The following PIBF1 variants were observed in gnomAD, a reference collection of about 807,000 sequenced individuals.
PIBF1 encodes progesterone-induced-blocking factor 1.
In PIBF1, 90 loss-of-function variants were observed where a neutral mutation model predicts 112.5. The observed-to-expected ratio is 0.80, with a 90% confidence interval of 0.67 to 0.95. The LOEUF (loss-of-function observed/expected upper bound fraction) is 0.95. PIBF1 is among the 40% of genes least tolerant of loss of function. The pLI, the probability that PIBF1 is intolerant of heterozygous loss-of-function variation, is 0.00. For missense variants in PIBF1, 915 were observed against 852.3 expected, an observed-to-expected ratio of 1.07 and a Z score of -0.92; for synonymous variants, 301 against 288.6, an observed-to-expected ratio of 1.04 and a Z score of -0.44.
rs947464436 is a variant in PIBF1, at chr13:72,998,711, T to C, written c.2050-111T>C. 7.9e-5 allele frequency: 53 copies of C among 669,132 alleles called. 2 individuals carry two copies. The Admixed American group carries it at 1.2e-3, about 15-fold the overall frequency. The allele number at this position is 669,132 out of a possible 1,614,324, so 41.4% of individuals were successfully genotyped here. A position where few individuals can be genotyped will look rare whatever the true frequency, so the allele number is the denominator to read the frequency against. Reference sequence around the variant, plus strand: ...ATTACTATTTTATTTTCACAACTTATGTGTGTAGTATAATTGTTTCTTCTA... The same window carrying C: ...ATTACTATTTTATTTTCACAACTTACGTGTGTAGTATAATTGTTTCTTCTA... On this transcript the variant is annotated intron_variant, in intron 16 of 17. Coordinates refer to ENST00000326291, the MANE Select transcript of PIBF1 (RefSeq NM_006346.4).
At chr13:72,943,067 T>G (rs934222151) in intron 14 of PIBF1, among the ~76,000 whole-genome samples, 5 of 152,172 alleles carry the variant, frequency 3.3e-5, no homozygotes, top group African/African-American at 1.2e-4. Flanking sequence ...ATACAAGGCT[T>G]AAAAAATAAC....
intron 17 of PIBF1, among the ~76,000 whole-genome samples, chr13:73,002,297 ATGAAAGC>A (rs2043895997): frequency 1.3e-5 from 2 of 152,216 alleles, no homozygotes; most frequent in Non-Finnish European, 2.9e-5. Flanking sequence ...TACAGGGAGA[ATGAAAGC>A]TTCACCTCCC....
intron 6 of PIBF1, 41 bp from the exon 7 acceptor site, chr13:72,826,969 G>A (rs766402833): frequency 8.4e-7 from 1 of 1,193,942 alleles, no homozygotes; most frequent in South Asian, 1.4e-5. Flanking sequence ...TGTACAAGGG[G>A]ATGTAAAATT....
chr13:72,902,102 G>A (rs2040514831), intron 11 of PIBF1, among the ~76,000 whole-genome samples: 1 of 150,370 alleles, frequency 6.7e-6, no homozygotes. Flanking sequence ...AAATGAGATT[G>A]GAGACTATTA....
intron 13 of PIBF1, among the ~76,000 whole-genome samples, chr13:72,917,579 A>C (rs895445484): frequency 6.6e-6 from 1 of 152,076 alleles, no homozygotes; most frequent in Non-Finnish European, 1.5e-5. Context: ...CATATATTGT[A>C]ATTGAAACTA....
At chr13:72,933,185 A>T (rs940621528) in intron 14 of PIBF1, among the ~76,000 whole-genome samples, 15 of 152,374 alleles carry the variant, frequency 9.8e-5, no homozygotes, top group African/African-American at 3.6e-4. Context: ...AATATTTTTT[A>T]AAAGTAAAAT....
At chr13:72,897,856 G>C (rs2040340194) in intron 11 of PIBF1, among the ~76,000 whole-genome samples, 1 of 152,064 alleles carries the variant, frequency 6.6e-6, no homozygotes, top group Non-Finnish European at 1.5e-5. Flanking sequence ...TAATAGTGGG[G>C]GACTTCAGTA....
At chr13:72,914,010 TTAAC>T (rs746719805) in intron 12 of PIBF1, among the ~76,000 whole-genome samples, 10 of 152,336 alleles carry the variant, frequency 6.6e-5, no homozygotes, top group South Asian at 4.1e-4. Flanking sequence ...TACTTATCGA[TTAAC>T]TAAAATTTCA....
chr13:72,904,433 C>CTT (rs71099767), intron 11 of PIBF1, among the ~76,000 whole-genome samples: 482 of 36,538 alleles, frequency 0.013, 113 homozygotes, highest in South Asian at 0.028. Flanking sequence ...CAAAATATTT[C>CTT]TTTTTTTTTT....
At chr13:72,918,363 T>G (rs557089861) in intron 13 of PIBF1, among the ~76,000 whole-genome samples, 5 of 151,496 alleles carry the variant, frequency 3.3e-5, no homozygotes, top group African/African-American at 9.7e-5. Flanking sequence ...TGGAAAGTTC[T>G]TCGAGGTCAG....
intron 16 of PIBF1, among the ~76,000 whole-genome samples, chr13:72,983,833 A>G (rs2043211549): frequency 6.6e-6 from 1 of 152,118 alleles, no homozygotes; most frequent in Non-Finnish European, 1.5e-5. Flanking sequence ...GCACCTATGT[A>G]GTTAAATTTT....
chr13:73,009,779 C>T (rs1359176421), intron 17 of PIBF1, among the ~76,000 whole-genome samples: 2 of 152,140 alleles, frequency 1.3e-5, no homozygotes, highest in East Asian at 3.9e-4. Flanking sequence ...ATCCCCAAGA[C>T]AAGGTACACT....
chr13:72,844,728 T>TACACACACACACACACACACACAC (rs1156334355), intron 9 of PIBF1, among the ~76,000 whole-genome samples: 1 of 53,164 alleles, frequency 1.9e-5, no homozygotes, highest in East Asian at 8.0e-4. Flanking sequence ...TAATTTTATT[T>TACACACACACACACACACACACAC]ACACACACAC....
rs1008608338 is a variant in PIBF1, at chr13:72,977,591, A to T, written c.2049+3916A>T. On this transcript the variant is annotated intron_variant, in intron 16 of 17. Transcript: ENST00000326291. ...TAATGTGAAGTAAGATCACCAGTTCATTTACATAATTCCAAAATATGTGTT... is the reference window on the plus strand; with the variant it reads ...TAATGTGAAGTAAGATCACCAGTTCTTTTACATAATTCCAAAATATGTGTT... 8.5e-5 allele frequency among the ~76,000 whole-genome samples: 13 copies of T among 152,212 alleles called. No homozygotes were observed. In the East Asian group the frequency reaches 2.3e-3, roughly 27 times the overall value.
At chr13:72,952,035 CTTTT>C (rs67211238) in intron 14 of PIBF1, among the ~76,000 whole-genome samples, 5 of 122,998 alleles carry the variant, frequency 4.1e-5, no homozygotes, top group Admixed American at 1.8e-4. Flanking sequence ...TTTCTTTTCT[CTTTT>C]TTTTTTTTTT....
intron 5 of PIBF1, among the ~76,000 whole-genome samples, chr13:72,816,942 C>G (rs1047625070): frequency 6.6e-6 from 1 of 152,070 alleles, no homozygotes; most frequent in Admixed American, 6.6e-5. Flanking sequence ...AAGGGACAGC[C>G]TATAGCAGTC....
chr13:72,915,407 A>G (rs1230677139), intron 12 of PIBF1, among the ~76,000 whole-genome samples: 1 of 152,208 alleles, frequency 6.6e-6, no homozygotes, highest in Non-Finnish European at 1.5e-5. Context: ...AGCATTGACC[A>G]AGTTGTATAA....
chr13:72,876,024 A>G (rs2039381257), intron 10 of PIBF1, among the ~76,000 whole-genome samples: 1 of 150,848 alleles, frequency 6.6e-6, no homozygotes, highest in Admixed American at 6.6e-5. Flanking sequence ...AAGGTTATCT[A>G]GATTGTCTTA....
At position 72,835,320 on chromosome 13, in the gene PIBF1, T is replaced by C; in HGVS notation, c.1175T>C (p.Ile392Thr). The change falls in exon 9 of 18, where the codon ATT (isoleucine) becomes ACT (threonine). Residue 392 changes from isoleucine (I) to threonine (T), a missense_variant. Physicochemically the swap from Ile to Thr is moderately conservative, Grantham distance 89 (BLOSUM62 -1). Coordinates refer to ENST00000326291, the MANE Select transcript of PIBF1 (RefSeq NM_006346.4). ...EQIRLKTNQEIDQLRNASREM... is the reference protein window; with the variant it reads ...EQIRLKTNQETDQLRNASREM... ...ATCAGATTGAAAACCAACCAAGAAA[T>C]TGATCAACTTCGAAATGCCTCTAGG... 2 of 1,597,692 alleles carry C rather than the reference T, an allele frequency of 1.3e-6. No individual in the cohort carries two copies. The highest frequency in any genetic ancestry group is 1.7e-6 in the Non-Finnish European group (2 of 1,173,544).
Sources: gnomAD v4.1 joint callset for allele counts (sites outside exome capture counted in the v4.1 genomes callset) on GRCh38, gnomAD v4.1.1 for gene constraint, MANE v1.5 for transcripts, NCBI Gene and HGNC (gene_info 2026-07-23, HGNC 2026-07-21) for gene names.